IQGAP2: variants seen among roughly 807,000 people sequenced by gnomAD.
IQGAP2 encodes ras GTPase-activating-like protein IQGAP2.
A neutral mutation model predicts 201.3 loss-of-function variants in IQGAP2; 173 were observed. The ratio of observed to expected loss-of-function variants is 0.86; its 90% confidence interval spans 0.76 to 0.98. The LOEUF (loss-of-function observed/expected upper bound fraction) is 0.98, where lower values mean the gene tolerates loss of function less well. Among genes scored for constraint, IQGAP2 ranks in the 50% least tolerant of loss-of-function variants. The probability of loss-of-function intolerance (pLI) is 0.00; values close to 1 mark genes in which losing one functional copy is unlikely to be tolerated. For missense variants in IQGAP2, 1,687 were observed against 1,864.8 expected (o/e 0.90, Z 1.76); for synonymous variants, 675 against 673.9 (o/e 1.00, Z -0.03).
At chr5:76,528,134 G>C (rs1035374902) in intron 2 of IQGAP2, among the ~76,000 whole-genome samples, 4 of 152,056 alleles carry the variant, frequency 2.6e-5, no homozygotes, top group African/African-American at 9.7e-5. Flanking sequence ...TTTATTTGTT[G>C]TCAGACACCC....
chr5:76,595,243 C>CTTTTTTTTTTT (rs1180358517), intron 9 of IQGAP2, among the ~76,000 whole-genome samples: 4 of 35,304 alleles, frequency 1.1e-4, no homozygotes, highest in Non-Finnish European at 1.5e-4. Flanking sequence ...CATTTCTTTG[C>CTTTTTTTTTTT]TTTTTTTTTT....
At position 76,429,072 on chromosome 5, in the gene IQGAP2, G is replaced by C. The variant is rs1392743164; in HGVS notation, c.46+25481G>C. Among the ~76,000 whole-genome samples, 3 of 59,176 alleles carry C rather than the reference G, an allele frequency of 5.1e-5. No individual in the cohort carries two copies. In the Admixed American group the frequency reaches 5.7e-4, roughly 11 times the overall value. 38.8% of individuals were successfully genotyped at this position (59,176 alleles called of 152,430 possible). A position where few individuals can be genotyped will look rare whatever the true frequency, so the allele number is the denominator to read the frequency against. ...AGAGCCCGAGTGACAGCGAGACTCT[G>C]TCTCAAAAAAAAAAAAAAATTCTAG... On this transcript the variant is annotated intron_variant, in intron 1 of 35. Coordinates refer to ENST00000274364, the MANE Select transcript of IQGAP2 (RefSeq NM_006633.5).
chr5:76,496,761 C>CTTTCTTTCTTTTCT (rs1561416554), intron 2 of IQGAP2, among the ~76,000 whole-genome samples: 1 of 89,048 alleles, frequency 1.1e-5, no homozygotes, highest in Non-Finnish European at 2.1e-5. Context: ...TTCTTTCTTT[C>CTTTCTTTCTTTTCT]TTTCTTTCTT....
At chr5:76,614,759 ATTTTGATTCCTAGAAGTTTCCAGT>A (rs139568936) in intron 13 of IQGAP2, among the ~76,000 whole-genome samples, 5,504 of 151,798 alleles carry the variant, frequency 0.036, 185 homozygotes, top group East Asian at 0.099. Flanking sequence ...ATCCTCTACT[ATTTTGATTCCTAGAAGTTTCCAGT>A]TGTGTGTTTA....
chr5:76,496,705 T>TTTCC (rs1756919783), intron 2 of IQGAP2, among the ~76,000 whole-genome samples: 1 of 13,380 alleles, frequency 7.5e-5, no homozygotes, highest in Non-Finnish European at 1.8e-4. Context: ...TTTCTGTCTC[T>TTTCC]TTCTTTCTTT....
At chr5:76,521,701 G>A (rs1273155188) in intron 2 of IQGAP2, among the ~76,000 whole-genome samples, 1 of 152,202 alleles carries the variant, frequency 6.6e-6, no homozygotes, top group Non-Finnish European at 1.5e-5. Context: ...ACACGTCACT[G>A]TAGCATTTTG....
intron 1 of IQGAP2, among the ~76,000 whole-genome samples, chr5:76,432,251 A>T (rs963865628): frequency 3.3e-5 from 5 of 150,370 alleles, no homozygotes; most frequent in South Asian, 2.1e-4. Flanking sequence ...CAGCCTCCCA[A>T]ATAGCTGGGA....
chr5:76,433,030 CAA>C (rs1752462764), intron 1 of IQGAP2, among the ~76,000 whole-genome samples: 1 of 152,126 alleles, frequency 6.6e-6, no homozygotes, highest in Non-Finnish European at 1.5e-5. Flanking sequence ...AGTCTAATTG[CAA>C]AGAGTTTAAT....
intron 21 of IQGAP2, among the ~76,000 whole-genome samples, chr5:76,664,758 A>C (rs1484667532): frequency 1.3e-5 from 2 of 152,252 alleles, no homozygotes; most frequent in Non-Finnish European, 2.9e-5. Flanking sequence ...ACATATTGCA[A>C]GAATTATCAA....
intron 2 of IQGAP2, among the ~76,000 whole-genome samples, chr5:76,480,933 T>C (rs1755749260): frequency 1.3e-5 from 2 of 152,190 alleles, no homozygotes; most frequent in South Asian, 4.1e-4. Context: ...TGGTGTCCCA[T>C]ACCAGCTGGT....
In IQGAP2 at chr5:76,429,612, A is replaced by G. The variant is rs1182347758; in HGVS notation, c.46+26021A>G. On this transcript the variant is annotated intron_variant, in intron 1 of 35. Coordinates refer to ENST00000274364, the MANE Select transcript of IQGAP2 (RefSeq NM_006633.5). ...TATATATATATGTATATTTATATATATACATATATAAATTTATATATATAC... is the reference window on the plus strand; with the variant it reads ...TATATATATATGTATATTTATATATGTACATATATAAATTTATATATATAC... Among the ~76,000 whole-genome samples, 652 of 145,244 alleles carry G rather than the reference A, an allele frequency of 4.5e-3. 7 individuals are homozygous for G. Among genetic ancestry groups the G allele is most frequent in the African/African-American group, 0.015 (607 of 39,988 alleles).
chr5:76,409,241 C>CT (rs35574851), intron 1 of IQGAP2, among the ~76,000 whole-genome samples: 3,856 of 79,288 alleles, frequency 0.049, 400 homozygotes, highest in Middle Eastern at 0.1. Flanking sequence ...AATACATGGG[C>CT]TTTTTTTTTT....
At chr5:76,448,993 T>G (rs1049438434) in intron 1 of IQGAP2, among the ~76,000 whole-genome samples, 1 of 152,160 alleles carries the variant, frequency 6.6e-6, no homozygotes, top group African/African-American at 2.4e-5. Flanking sequence ...CTTCTCACTT[T>G]CATCTCACAA....
intron 4 of IQGAP2, among the ~76,000 whole-genome samples, chr5:76,575,381 A>C (rs1745400319): frequency 6.6e-6 from 1 of 152,216 alleles, no homozygotes; most frequent in Admixed American, 6.5e-5. Context: ...TACAGGAGGC[A>C]GAGCCCACAT....
At chr5:76,488,245 T>G (rs1275422854) in intron 2 of IQGAP2, among the ~76,000 whole-genome samples, 1 of 152,234 alleles carries the variant, frequency 6.6e-6, no homozygotes, top group Non-Finnish European at 1.5e-5. Context: ...GAAGGAGAAA[T>G]TCTTGTTAGT....
At chr5:76,500,683 A>G (rs1291769070) in intron 2 of IQGAP2, among the ~76,000 whole-genome samples, 1 of 152,104 alleles carries the variant, frequency 6.6e-6, no homozygotes, top group Non-Finnish European at 1.5e-5. Context: ...GAATCAAGTT[A>G]GTTCTGTTTA....
At chr5:76,414,863 C>T (rs1751326876) in intron 1 of IQGAP2, among the ~76,000 whole-genome samples, 1 of 152,174 alleles carries the variant, frequency 6.6e-6, no homozygotes, top group Non-Finnish European at 1.5e-5. Flanking sequence ...TCACTGGACT[C>T]TGCCTGTAAC....
At chr5:76,643,697 A>G (rs1751774347) in intron 17 of IQGAP2, among the ~76,000 whole-genome samples, 1 of 152,182 alleles carries the variant, frequency 6.6e-6, no homozygotes, top group Admixed American at 6.5e-5. Context: ...AGGAAAGGAC[A>G]TAATAGTGGC....
intron 5 of IQGAP2, among the ~76,000 whole-genome samples, chr5:76,582,270 A>G (rs543379881): frequency 6.6e-6 from 1 of 152,254 alleles, no homozygotes; most frequent in Non-Finnish European, 1.5e-5. Flanking sequence ...CTGGTATCAG[A>G]CTTGAACTTC....
Sources: allele counts gnomAD v4.1 joint callset (sites outside exome capture counted in the v4.1 genomes callset), GRCh38; gene constraint gnomAD v4.1.1; transcripts MANE v1.5; gene names NCBI Gene and HGNC (gene_info 2026-07-23, HGNC 2026-07-21).